Variants in SNED1 observed in about 807,000 individuals in gnomAD.
SNED1 encodes sushi, nidogen and EGF like domains 1, also known as sushi, nidogen and EGF-like domain-containing protein 1.
A neutral mutation model predicts 166.7 loss-of-function variants in SNED1; 81 were observed. The ratio of observed to expected loss-of-function variants is 0.49; its 90% CI spans 0.41 to 0.58. The LOEUF is 0.58. Among genes scored for constraint, SNED1 ranks in the 20% least tolerant of loss-of-function variants. SNED1 has a pLI of 0.00. For synonymous variants in SNED1, 762 were observed against 822.0 expected, an observed-to-expected ratio of 0.93 and a Z score of 1.25; for missense variants, 1,604 against 2,000.2, an observed-to-expected ratio of 0.80 and a Z score of 3.78.
At chr2:241,010,883 T>C (rs1229653703) in intron 1 of SNED1, 1 of 153,958 alleles carries the variant, frequency 6.5e-6, no homozygotes, top group Non-Finnish European at 1.4e-5. Context: ...GGGCCTGGGC[T>C]TCAGGCTGCA....
At chr2:241,003,214 T>C (rs569380359) in intron 1 of SNED1, among the ~76,000 whole-genome samples, 96 of 151,508 alleles carry the variant, frequency 6.3e-4, no homozygotes, top group Non-Finnish European at 1.0e-3. Flanking sequence ...GCTCCTTAGT[T>C]TTCTTGTTTG....
At chr2:241,046,327 C>G (rs183635767) in intron 8 of SNED1, among the ~76,000 whole-genome samples, 14 of 152,266 alleles carry the variant, frequency 9.2e-5, no homozygotes, top group African/African-American at 3.4e-4. Flanking sequence ...GAGATGAAAA[C>G]TTATGTTTAC....
At chr2:241,088,444 G>A in intron 31 of SNED1, 42 bp downstream of exon 31, 1 of 1,532,006 alleles carries the variant, frequency 6.5e-7, no homozygotes, top group Non-Finnish European at 9.0e-7. Context: ...CAGAGCTGCT[G>A]GGAAGTGGGG....
chr2:241,050,061 A>G lies in SNED1; in HGVS notation c.1735+128A>G, dbSNP rs760954954. 3.2e-5 allele frequency: 24 copies of G among 747,228 alleles called. No individual in the cohort carries two copies. In the Admixed American group the frequency reaches 3.4e-4, roughly 11 times the overall value. 46.3% of individuals were successfully genotyped at this position (747,228 alleles called of 1,614,324 possible). A position where few individuals can be genotyped will look rare whatever the true frequency, so the allele number is the denominator to read the frequency against. On this transcript the variant is annotated intron_variant, in intron 12 of 31. Transcript: ENST00000310397. ...CTGACCTCGTCTAGAGCCTTGCCTG[A>G]TGTGCTGCTCTGTTCTGTGTATTTA...
At chr2:241,006,148 AT>A (rs1036130138) in intron 1 of SNED1, among the ~76,000 whole-genome samples, 24 of 151,056 alleles carry the variant, frequency 1.6e-4, no homozygotes, top group African/African-American at 5.4e-4. Context: ...AAATTCACTG[AT>A]TTTTTTTTCT....
rs1575162758 is a variant in SNED1 at position 241,091,355 on chromosome 2, G to C, written c.*2-283G>C. 6.6e-6 allele frequency among the ~76,000 whole-genome samples: 1 copy of C among 152,216 alleles called. No homozygotes were observed. Among genetic ancestry groups the C allele is most frequent in the East Asian group, 1.9e-4 (1 of 5,202 alleles). On this transcript the variant is annotated intron_variant, in intron 31 of 31. Transcript: ENST00000310397. The surrounding 1 kb of genome is among the most constrained non-coding windows in gnomAD (Gnocchi z 4.1). ...ACAGGCTGTGATTTCACATTTAAAA[G>C]TTGCAATGCTGAGCCCACATGTTCC...
Position 241,030,483 on chromosome 2 carries a change from T to C in SNED1, c.413T>C (p.Phe138Ser). The stretch of plus-strand genomic sequence containing the variant: ...GCCACGGAGGACGTCAGGCACTACT[T>C]CCCCGAGCTCCTGGACTTCAATGCC... ...RRATEDVRHYFPELLDFNATW... is the reference protein window; with the variant it reads ...RRATEDVRHYSPELLDFNATW... Residue 138 changes from phenylalanine (F) to serine (S), a missense_variant, in exon 2 of 32, where the codon TTC (phenylalanine) becomes TCC (serine). Physicochemically the swap from Phe to Ser is radical, Grantham distance 155. This residue lies in a region of SNED1 where 1,237 missense variants were observed against 1,620.8 expected (regional missense o/e 0.76). Transcript: ENST00000310397. 6.2e-7 allele frequency: 1 copy of C among 1,613,892 alleles called. No individual in the cohort carries two copies. The highest frequency in any genetic ancestry group is 8.5e-7 in the Non-Finnish European group (1 of 1,179,880).
At chr2:240,997,703 T>C (rs1574812815), upstream of SNED1, among the ~76,000 whole-genome samples, 1 of 151,924 alleles carries the variant, frequency 6.6e-6, no homozygotes, top group African/African-American at 2.4e-5. Flanking sequence ...CTTCGAGGGG[T>C]GCACTCTTAT....
rs1197535448 is a variant in SNED1 at position 241,040,185 on chromosome 2, A to G, written c.1156A>G (p.Met386Val). The G allele has an allele frequency of 6.3e-7, 1 of 1,593,562 alleles. No homozygotes were observed. Among genetic ancestry groups the G allele is most frequent in the Non-Finnish European group, 8.5e-7 (1 of 1,169,882 alleles). Reference protein sequence around the residue: ...QAGYTGAACEMDVDDCSPDPC... With the variant: ...QAGYTGAACEVDVDDCSPDPC... ...CGGATACACCGGAGCAGCCTGCGAG[A>G]TGGGTGAGTGGCCTGGCTTCGGATT... Residue 386 changes from methionine (M) to valine (V), a missense_variant, in exon 7 of 32, where the codon ATG (methionine) becomes GTG (valine). By Grantham distance (21) the Met-to-Val change is conservative. Coordinates refer to ENST00000310397, the MANE Select transcript of SNED1 (RefSeq NM_001080437.3).
Position 240,999,858 on chromosome 2 carries a change from G to T in SNED1, c.213+808G>T, listed in dbSNP as rs2060025203. Among the ~76,000 whole-genome samples the T allele has an allele frequency of 6.6e-6, 1 of 152,140 alleles. No homozygotes were observed. The highest frequency in any genetic ancestry group is 2.1e-4 in the South Asian group (1 of 4,834). ...GAGCACTCGCCCTGAGTAGGCCACG[G>T]TGCACTGGTACCTGGTGGTTCCCTG... On this transcript the variant is annotated intron_variant, in intron 1 of 31. Transcript: ENST00000310397. The surrounding 1 kb of genome is among the most constrained non-coding windows in gnomAD (Gnocchi z 5.8).
At chr2:241,052,202 C>G in intron 14 of SNED1, 45 bp downstream of exon 14, 6 of 1,553,370 alleles carry the variant, frequency 3.9e-6, no homozygotes, top group Non-Finnish European at 5.3e-6. Context: ...GGGGTGAACC[C>G]TCTCTGCAGA....
At chr2:240,997,993 C>A (rs1019069665), upstream of SNED1, among the ~76,000 whole-genome samples, 8 of 152,250 alleles carry the variant, frequency 5.3e-5, no homozygotes, top group Non-Finnish European at 1.0e-4. Flanking sequence ...CGGTGTCATG[C>A]ACGCACTTGC....
rs2106512535 is a variant in SNED1 at position 240,999,010 on chromosome 2, T to C, written c.173T>C (p.Val58Ala). The C allele has an allele frequency of 5.3e-6, 7 of 1,324,932 alleles. No individual in the cohort carries two copies. In the African/African-American group the frequency reaches 6.2e-5, roughly 12 times the overall value. The allele number at this position is 1,324,932 out of a possible 1,614,324, so 82.1% of individuals were successfully genotyped here. ...DGGSGLRPLS[V>A]PFPFFGAEHS... ...GGCTCGGGGCTGCGGCCGCTCTCGGTGCCCTTCCCGTTCTTCGGTGCCGAG... is the reference window on the plus strand; with the variant it reads ...GGCTCGGGGCTGCGGCCGCTCTCGGCGCCCTTCCCGTTCTTCGGTGCCGAG... The change falls in exon 1 of 32, where the codon GTG becomes GCG. Residue 58 changes from valine to alanine, a missense_variant. Physicochemically the swap from Val to Ala is moderately conservative, Grantham distance 64 (BLOSUM62 0). This residue lies in a region of SNED1 where 1,237 missense variants were observed against 1,620.8 expected (regional missense o/e 0.76). Coordinates refer to ENST00000310397, the MANE Select transcript of SNED1 (RefSeq NM_001080437.3). This position sits in a 1 kb window ranked among gnomAD's most constrained non-coding sequence, Gnocchi z 5.8.
In SNED1 at chr2:241,071,822, G is replaced by A. The variant is rs745332155; in HGVS notation, c.3761G>A (p.Gly1254Glu). Reference protein sequence around the residue: ...PRFSELVDGRGRVSARFGGSP... With the variant: ...PRFSELVDGRERVSARFGGSP... ...TTCTCGGAGCTTGTGGACGGCAGAG[G>A]AAGAGTGAGCGCCAGGTTCGGTGGC... The change falls in exon 26 of 32, where the codon GGA becomes GAA. Residue 1254 changes from glycine (G) to glutamate (E), a missense_variant. By Grantham distance (98) the Gly-to-Glu change is moderately conservative. This residue lies in a region of SNED1 where 367 missense variants were observed against 379.4 expected (regional missense o/e 0.97). Coordinates refer to ENST00000310397, the MANE Select transcript of SNED1 (RefSeq NM_001080437.3). 32 of 1,603,812 alleles carry A rather than the reference G, an allele frequency of 2.0e-5. No homozygotes were observed. In the South Asian group the frequency reaches 3.3e-4, roughly 16 times the overall value.
At chr2:241,056,087 G>C (rs2125133386) in intron 16 of SNED1, among the ~76,000 whole-genome samples, 1 of 149,552 alleles carries the variant, frequency 6.7e-6, no homozygotes, top group East Asian at 1.9e-4. Context: ...ACAATCGATA[G>C]AAAAAGACCT....
At chr2:241,040,821 G>A (rs1024995841) in intron 8 of SNED1, 6 of 473,750 alleles carry the variant, frequency 1.3e-5, no homozygotes, top group South Asian at 4.6e-5. Context: ...GGAAAGTAAC[G>A]GGAATCAGAA....
intron 16 of SNED1, among the ~76,000 whole-genome samples, chr2:241,060,938 A>G (rs1395879361): frequency 6.6e-6 from 1 of 152,152 alleles, no homozygotes; most frequent in African/African-American, 2.4e-5. Flanking sequence ...TCAAAAAAAA[A>G]CAACCAAAAA....
At position 241,040,351 on chromosome 2, in the gene SNED1, A is replaced by G; in HGVS notation, c.1211A>G (p.Asp404Gly). The change falls in exon 8 of 32, where the codon GAC becomes GGC. Residue 404 changes from aspartate (D) to glycine (G), a missense_variant. Transcript: ENST00000310397. The stretch of plus-strand genomic sequence containing the variant: ...TGCCTGAATGGAGGCTCTTGTGTTG[A>G]CCTAGTGGGGAATTACACCTGCTTG... ...DPCLNGGSCV[D>G]LVGNYTCLCA... The G allele has an allele frequency of 3.7e-6, 6 of 1,609,582 alleles. No homozygotes were observed. Among genetic ancestry groups the G allele is most frequent in the Non-Finnish European group, 5.1e-6 (6 of 1,178,110 alleles).
Position 241,069,952 on chromosome 2 carries a change from C to T in SNED1, c.3340C>T (p.Arg1114Ter). The change falls in exon 24 of 32, where the codon CGA becomes TGA. Residue 1114 changes from arginine (R) to a stop codon, truncating the protein, a stop_gained. Transcript: ENST00000310397. LOFTEE classifies it high-confidence loss of function. The surrounding 1 kb of genome is among the most constrained non-coding windows in gnomAD (Gnocchi z 4.9). ...GCCTCCAGCAAACCTGACCGCCGCC[C>T]GAGTCACTGCCACCTCTGCCCACGT... ...PLPPANLTAA[R>*]VTATSAHVVW... 6.2e-7 allele frequency: 1 copy of T among 1,612,906 alleles called. No homozygotes were observed. The highest frequency in any genetic ancestry group is 8.5e-7 in the Non-Finnish European group (1 of 1,179,840).
Sources: gnomAD v4.1 joint callset for allele counts (sites outside exome capture counted in the v4.1 genomes callset) on GRCh38, gnomAD v4.1.1 for gene constraint, gnomAD v4.1.1 regional missense constraint, Gnocchi (gnomAD v3.1) non-coding constraint, MANE v1.5 for transcripts, NCBI Gene and HGNC (gene_info 2026-07-23, HGNC 2026-07-21) for gene names.